The following TMEM255B variants were observed in gnomAD, a reference collection of about 807,000 sequenced individuals.
TMEM255B encodes transmembrane protein 255B.
In TMEM255B, 35 loss-of-function variants were observed where a neutral mutation model predicts 34.5. The ratio of observed to expected loss-of-function variants is 1.01; its 90% confidence interval spans 0.77 to 1.34. The LOEUF is 1.34. Among genes scored for constraint, TMEM255B ranks in the 40% most tolerant of loss-of-function variants. TMEM255B has a pLI of 0.00. For synonymous variants in TMEM255B, 206 were observed against 201.2 expected, an observed-to-expected ratio of 1.02 and a Z score of -0.20; for missense variants, 432 against 433.2, an observed-to-expected ratio of 1.00 and a Z score of 0.02.
Position 113,766,298 on chromosome 13 carries a change from G to C in TMEM255B, c.189+41G>C, listed in dbSNP as rs1431680432. 6.2e-6 allele frequency: 10 copies of C among 1,611,934 alleles called. No individual in the cohort carries two copies. The Admixed American group carries it at 1.7e-4, about 27-fold the overall frequency. On this transcript the variant is annotated intron_variant, in intron 2 of 8. Coordinates refer to ENST00000375353, the MANE Select transcript of TMEM255B (RefSeq NM_182614.4). ...GGGCGGCCTGGGCCGGGGAGGGCAGGGTGGTGTGTGGCTCTCTCAGGGTGG... is the reference window on the plus strand; with the variant it reads ...GGGCGGCCTGGGCCGGGGAGGGCAGCGTGGTGTGTGGCTCTCTCAGGGTGG...
chr13:113,802,657 T>G (rs2051087662), intron 7 of TMEM255B, among the ~76,000 whole-genome samples: 1 of 119,550 alleles, frequency 8.4e-6, no homozygotes, highest in African/African-American at 2.9e-5. Context: ...AGGCTGTCCA[T>G]GACTAAAAAT....
rs753379821 is a variant in TMEM255B, at chr13:113,770,910, C to G, written c.252+1750C>G. Among the ~76,000 whole-genome samples, 29 of 152,282 alleles carry G rather than the reference C, an allele frequency of 1.9e-4. No homozygotes were observed. Among genetic ancestry groups the G allele is most frequent in the Admixed American group, 1.4e-3 (21 of 15,304 alleles). On this transcript the variant is annotated intron_variant, in intron 3 of 8. Transcript: ENST00000375353. The surrounding 1 kb of genome is among the most constrained non-coding windows in gnomAD (Gnocchi z 4.6). ...TTTCCATAAGATTTCCCCAAAGAGG[C>G]AGAAGCTGGGTGTGAAGCTGGGCTT...
intron 3 of TMEM255B, among the ~76,000 whole-genome samples, chr13:113,793,277 G>A (rs73584231): frequency 1.3e-5 from 2 of 152,318 alleles, no homozygotes; most frequent in African/African-American, 2.4e-5. Context: ...CTAACTGCCC[G>A]GACTTTGTTC....
At chr13:113,782,347 A>G (rs1385092361) in intron 3 of TMEM255B, among the ~76,000 whole-genome samples, 1 of 152,172 alleles carries the variant, frequency 6.6e-6, no homozygotes, top group Non-Finnish European at 1.5e-5. Context: ...CTGTAGTTTA[A>G]TTTAATATAA....
intron 3 of TMEM255B, among the ~76,000 whole-genome samples, chr13:113,781,537 C>T (rs1398360229): frequency 2.6e-5 from 4 of 152,202 alleles, no homozygotes; most frequent in South Asian, 4.1e-4. Context: ...GCAACCTTCA[C>T]TTTTGGTGAA....
chr13:113,805,280 G>A (rs897862785), intron 8 of TMEM255B, among the ~76,000 whole-genome samples: 4 of 152,224 alleles, frequency 2.6e-5, no homozygotes, highest in Non-Finnish European at 5.9e-5. Context: ...CTGACCCCGG[G>A]GCTGGCCCCG....
intron 1 of TMEM255B, among the ~76,000 whole-genome samples, chr13:113,765,590 G>C (rs1463945716): frequency 2.0e-5 from 3 of 152,192 alleles, no homozygotes. Context: ...CAGGGATCAA[G>C]ATGATTCAGT....
intron 2 of TMEM255B, chr13:113,768,870 T>TA (rs757108859): frequency 3.2e-6 from 2 of 627,252 alleles, no homozygotes; most frequent in South Asian, 3.0e-5. Flanking sequence ...GATGCATCAT[T>TA]AAAAACCTCT....
intron 2 of TMEM255B, chr13:113,768,817 G>A (rs933865844): frequency 8.8e-5 from 47 of 536,194 alleles, no homozygotes; most frequent in South Asian, 5.7e-4. Flanking sequence ...GTCTCTGGGG[G>A]AGGAGTGGGA....
rs572084840 is a variant in TMEM255B, at chr13:113,761,139, C to T, written c.46+1824C>T. The T allele has an allele frequency of 1.6e-5, 16 of 977,244 alleles. No homozygotes were observed. The East Asian group carries it at 6.8e-4, about 42-fold the overall frequency. The allele number at this position is 977,244 out of a possible 1,614,324, so 60.5% of individuals were successfully genotyped here. A position where few individuals can be genotyped will look rare whatever the true frequency, so the allele number is the denominator to read the frequency against. ...TTACCTGGGATTGTTACTTGGACACCATGACTGGTGTCCCCACATGATTAA... is the reference window on the plus strand; with the variant it reads ...TTACCTGGGATTGTTACTTGGACACTATGACTGGTGTCCCCACATGATTAA... On this transcript the variant is annotated intron_variant, in intron 1 of 8. Transcript: ENST00000375353.
At chr13:113,811,181 GGGT>G (rs1566338161) in intron 8 of TMEM255B, among the ~76,000 whole-genome samples, 3 of 124,022 alleles carry the variant, frequency 2.4e-5, no homozygotes, top group Admixed American at 8.8e-5. Context: ...TGGGTCTGTG[GGGT>G]GGGGGCCAGT....
rs1240783786 is a variant in TMEM255B at position 113,776,299 on chromosome 13, C to T, written c.252+7139C>T. On this transcript the variant is annotated intron_variant, in intron 3 of 8. Transcript: ENST00000375353. Reference sequence around the variant, plus strand: ...TGGGCATCTGCCACGGAAACTAGGTCTAGTTACAGGAAAATCAACCAAGTC... The same window carrying T: ...TGGGCATCTGCCACGGAAACTAGGTTTAGTTACAGGAAAATCAACCAAGTC... Among the ~76,000 whole-genome samples the T allele has an allele frequency of 2.0e-5, 3 of 152,226 alleles. No homozygotes were observed. In the East Asian group the frequency reaches 5.8e-4, roughly 29 times the overall value.
intron 5 of TMEM255B, 200 bp downstream of exon 5, chr13:113,799,619 C>A: frequency 1.6e-6 from 1 of 636,682 alleles, no homozygotes; most frequent in South Asian, 1.9e-5. Context: ...ACTCTGGAGT[C>A]AGAGTTCTGG....
At chr13:113,808,771 GC>G (rs2051234916) in intron 8 of TMEM255B, among the ~76,000 whole-genome samples, 2 of 114,868 alleles carry the variant, frequency 1.7e-5, no homozygotes, top group Non-Finnish European at 3.4e-5. Context: ...GTGGTTTCTG[GC>G]GGTGTAACTC....
intron 5 of TMEM255B, 133 bp downstream of exon 5, chr13:113,799,552 G>C (rs1474984151): frequency 1.5e-5 from 12 of 788,874 alleles, no homozygotes; most frequent in Non-Finnish European, 2.3e-5. Flanking sequence ...CCTGCAGCTG[G>C]TGAACCGTTG....
chr13:113,800,974 C>T lies in TMEM255B; in HGVS notation c.509+62C>T. 20 of 1,147,370 alleles carry T rather than the reference C, an allele frequency of 1.7e-5. 1 individual carries two copies. Among genetic ancestry groups the T allele is most frequent in the Non-Finnish European group, 2.4e-5 (20 of 835,808 alleles). 71.1% of individuals were successfully genotyped at this position (1,147,370 alleles called of 1,614,324 possible). The stretch of plus-strand genomic sequence containing the variant: ...GGGAGGTGAGGGGCGCTGGGGACCC[C>T]CGTATCTACACCTGCGGGAGGTGAG... On this transcript the variant is annotated intron_variant, in intron 6 of 8. Coordinates refer to ENST00000375353, the MANE Select transcript of TMEM255B (RefSeq NM_182614.4).
chr13:113,787,245 C>T (rs2050760536), intron 3 of TMEM255B, among the ~76,000 whole-genome samples: 1 of 152,222 alleles, frequency 6.6e-6, no homozygotes, highest in African/African-American at 2.4e-5. Flanking sequence ...AGCCAACGGT[C>T]TGGATTTTAA....
chr13:113,788,000 C>G lies in TMEM255B; in HGVS notation c.253-7148C>G, dbSNP rs371814644. On this transcript the variant is annotated intron_variant, in intron 3 of 8. Transcript: ENST00000375353. Reference sequence around the variant, plus strand: ...TGTGGTTAAGACGGGATGGGCAGCTCCAGGTGTCGGCCAGGGGCACCATGC... The same window carrying G: ...TGTGGTTAAGACGGGATGGGCAGCTGCAGGTGTCGGCCAGGGGCACCATGC... Among the ~76,000 whole-genome samples, 652 of 124,630 alleles carry G rather than the reference C, an allele frequency of 5.2e-3. 4 individuals carry two copies. The highest frequency in any genetic ancestry group is 0.018 in the African/African-American group (580 of 32,574). The allele number at this position is 124,630 out of a possible 152,430, so 81.8% of individuals were successfully genotyped here. A position where few individuals can be genotyped will look rare whatever the true frequency, so the allele number is the denominator to read the frequency against.
chr13:113,801,515 G>T (rs945710236), intron 6 of TMEM255B, 138 bp from the exon 7 acceptor site: 2 of 1,011,924 alleles, frequency 2.0e-6, no homozygotes, highest in Middle Eastern at 2.1e-4. Context: ...CCAGAGCAGT[G>T]CAGGGATGGG....
Sources: allele counts gnomAD v4.1 joint callset (sites outside exome capture counted in the v4.1 genomes callset), GRCh38; gene constraint gnomAD v4.1.1; non-coding constraint Gnocchi (gnomAD v3.1); transcripts MANE v1.5; gene names NCBI Gene and HGNC (gene_info 2026-07-23, HGNC 2026-07-21).